Variants in TBC1D22A observed in about 807,000 individuals in gnomAD.
TBC1D22A encodes the protein TBC1 domain family member 22A.
In TBC1D22A, 38 loss-of-function variants were observed where a neutral mutation model predicts 60.2. The observed-to-expected ratio is 0.63, with a 90% confidence interval of 0.49 to 0.83. The LOEUF is 0.83. Ranked by LOEUF, TBC1D22A falls within the 40% of genes least tolerant of loss-of-function variation. TBC1D22A has a pLI of 0.00. For missense variants in TBC1D22A, 628 were observed against 701.0 expected (o/e 0.90, Z 1.18); for synonymous variants, 302 against 281.7 (o/e 1.07, Z -0.72).
chr22:46,935,848 CT>C, intron 8 of TBC1D22A, among the ~76,000 whole-genome samples: 1 of 151,912 alleles, frequency 6.6e-6, no homozygotes, highest in Non-Finnish European at 1.5e-5. Flanking sequence ...CTCCTCTGAA[CT>C]CTGACCCCGT....
intron 10 of TBC1D22A, among the ~76,000 whole-genome samples, chr22:47,036,828 A>G (rs982564523): frequency 6.6e-6 from 1 of 152,228 alleles, no homozygotes; most frequent in Non-Finnish European, 1.5e-5. Context: ...GCACCCGAAC[A>G]TGTCCATGAT....
intron 10 of TBC1D22A, among the ~76,000 whole-genome samples, chr22:46,998,768 G>A (rs1405946337): frequency 6.6e-6 from 1 of 152,248 alleles, no homozygotes. Flanking sequence ...TCCATATTAT[G>A]AAGTTGTCTG....
At chr22:46,863,171 C>T (rs988521409) in intron 4 of TBC1D22A, among the ~76,000 whole-genome samples, 3 of 152,192 alleles carry the variant, frequency 2.0e-5, no homozygotes, top group Non-Finnish European at 2.9e-5. Flanking sequence ...GCGCCCCGTC[C>T]TCCCAGGGCC....
chr22:47,092,462 G>A (rs1467206668), intron 11 of TBC1D22A, among the ~76,000 whole-genome samples: 1 of 152,182 alleles, frequency 6.6e-6, no homozygotes, highest in Non-Finnish European at 1.5e-5. Context: ...GAACGAGGAT[G>A]CCCAGGAGTG....
intron 12 of TBC1D22A, among the ~76,000 whole-genome samples, chr22:47,141,562 C>T (rs759235874): frequency 7.9e-5 from 12 of 152,232 alleles, no homozygotes; most frequent in Non-Finnish European, 1.5e-4. Flanking sequence ...GCCGACTCCA[C>T]GTCTGGGCTT....
intron 4 of TBC1D22A, among the ~76,000 whole-genome samples, chr22:46,874,933 G>C (rs1291221774): frequency 6.6e-6 from 1 of 151,942 alleles, no homozygotes; most frequent in Non-Finnish European, 1.5e-5. Flanking sequence ...TTTTTTTCTT[G>C]TAAATTTAAG....
At chr22:47,085,961 A>AATTGTG (rs1218071422) in intron 11 of TBC1D22A, among the ~76,000 whole-genome samples, 1 of 152,230 alleles carries the variant, frequency 6.6e-6, no homozygotes, top group Non-Finnish European at 1.5e-5. Flanking sequence ...GACCAGATTA[A>AATTGTG]ATTGTGATGT....
In TBC1D22A at chr22:47,173,670, G is replaced by C. The variant is rs751598054; in HGVS notation, c.*44G>C. 1.2e-6 allele frequency: 2 copies of C among 1,608,420 alleles called. No homozygotes were observed. The highest frequency in any genetic ancestry group is 1.7e-6 in the Non-Finnish European group (2 of 1,176,502). On this transcript the variant is annotated 3_prime_UTR_variant, in exon 13 of 13. Coordinates refer to ENST00000337137, the MANE Select transcript of TBC1D22A (RefSeq NM_014346.5). ...CTGGCCTCACTGTCCCGGGTGGCGC[G>C]CCCCACCTGCCTGGCTGGTGGTAGG...
In TBC1D22A at chr22:46,878,738, A is replaced by G. The variant is rs763832793; in HGVS notation, c.708+15A>G. On this transcript the variant is annotated intron_variant, in intron 5 of 12. Coordinates refer to ENST00000337137, the MANE Select transcript of TBC1D22A (RefSeq NM_014346.5). The stretch of plus-strand genomic sequence containing the variant: ...AGCTCCTCTCAGTAAGTCCCACCGC[A>G]CCGCCCATCAGCGCCTCCTTCCTGT... 2.5e-6 allele frequency: 4 copies of G among 1,611,496 alleles called. No homozygotes were observed. In the East Asian group the frequency reaches 6.7e-5, roughly 27 times the overall value.
intron 10 of TBC1D22A, among the ~76,000 whole-genome samples, chr22:47,006,383 T>C (rs2061592108): frequency 6.6e-6 from 1 of 152,252 alleles, no homozygotes; most frequent in Admixed American, 6.5e-5. Context: ...TCTGCCATCT[T>C]ATTATTCTCT....
intron 4 of TBC1D22A, among the ~76,000 whole-genome samples, chr22:46,827,043 G>C (rs1370732994): frequency 6.6e-6 from 1 of 151,170 alleles, no homozygotes; most frequent in South Asian, 2.1e-4. Context: ...CTATCCTGTT[G>C]TAGAGTTGAT....
At chr22:47,066,845 C>T (rs1347424166) in intron 11 of TBC1D22A, among the ~76,000 whole-genome samples, 1 of 152,196 alleles carries the variant, frequency 6.6e-6, no homozygotes, top group Non-Finnish European at 1.5e-5. Flanking sequence ...GCAGCTCTAA[C>T]ACTGGTGTCT....
intron 5 of TBC1D22A, among the ~76,000 whole-genome samples, chr22:46,887,398 T>A (rs1402188620): frequency 1.3e-5 from 2 of 152,226 alleles, no homozygotes; most frequent in Non-Finnish European, 2.9e-5. Flanking sequence ...GAAAATTCTT[T>A]AGCAAAGTCT....
intron 11 of TBC1D22A, among the ~76,000 whole-genome samples, chr22:47,084,901 T>C (rs1013557802): frequency 5.3e-5 from 8 of 152,206 alleles, no homozygotes; most frequent in African/African-American, 1.7e-4. Context: ...AAGTTACCAA[T>C]CCAGAGGTTC....
intron 1 of TBC1D22A, among the ~76,000 whole-genome samples, chr22:46,766,944 C>T (rs548369877): frequency 8.5e-5 from 13 of 152,282 alleles, no homozygotes; most frequent in African/African-American, 3.1e-4. Context: ...TGCTTGCTTT[C>T]ACTAGTGAGA....
At chr22:47,001,413 C>A (rs1405834400) in intron 10 of TBC1D22A, among the ~76,000 whole-genome samples, 1 of 147,964 alleles carries the variant, frequency 6.8e-6, no homozygotes, top group African/African-American at 2.5e-5. Context: ...CATTGTACTC[C>A]CGCCCGGGCA....
chr22:46,788,604 G>C (rs1245219692), intron 1 of TBC1D22A, among the ~76,000 whole-genome samples: 1 of 152,152 alleles, frequency 6.6e-6, no homozygotes, highest in Admixed American at 6.5e-5. Flanking sequence ...GCCACAGGGC[G>C]TCTGTGTCCT....
chr22:46,868,825 T>A (rs1185344641), intron 4 of TBC1D22A, among the ~76,000 whole-genome samples: 1 of 152,348 alleles, frequency 6.6e-6, no homozygotes, highest in South Asian at 2.1e-4. Context: ...TTGTTTGTGA[T>A]GTTGTAACTC....
intron 8 of TBC1D22A, among the ~76,000 whole-genome samples, chr22:46,936,563 G>A (rs998084356): frequency 2.0e-5 from 3 of 152,252 alleles, no homozygotes; most frequent in South Asian, 4.1e-4. Flanking sequence ...CAATTTTGGC[G>A]GACAGCCTGA....
Sources: gnomAD v4.1 joint callset for allele counts (sites outside exome capture counted in the v4.1 genomes callset) on GRCh38, gnomAD v4.1.1 for gene constraint, MANE v1.5 for transcripts, NCBI Gene and HGNC (gene_info 2026-07-23, HGNC 2026-07-21) for gene names.